FAXC: variants seen among roughly 807,000 people sequenced by gnomAD.
FAXC encodes the protein failed axon connections homolog.
In FAXC, 10 loss-of-function variants were observed where a neutral mutation model predicts 41.9. The observed-to-expected ratio is 0.24, with a 90% confidence interval of 0.15 to 0.41. The LOEUF is 0.41. Ranked by LOEUF, FAXC falls within the 10% of genes least tolerant of loss-of-function variation. FAXC has a pLI of 1.00. For synonymous variants in FAXC, 183 were observed against 183.8 expected, an observed-to-expected ratio of 1.00 and a Z score of 0.03; for missense variants, 399 against 510.9, an observed-to-expected ratio of 0.78 and a Z score of 2.11.
At chr6:99,304,585 T>A (rs1407123655) in intron 4 of FAXC, among the ~76,000 whole-genome samples, 1 of 152,218 alleles carries the variant, frequency 6.6e-6, no homozygotes, top group Non-Finnish European at 1.5e-5. Context: ...TTTCTATTAA[T>A]GTTTTGTAAT....
chr6:99,332,201 A>G (rs1441685246), intron 3 of FAXC, among the ~76,000 whole-genome samples: 2 of 152,160 alleles, frequency 1.3e-5, no homozygotes, highest in African/African-American at 2.4e-5. Context: ...AAGAGATAGG[A>G]ACAGCAAGTT....
Position 99,281,363 on chromosome 6 carries a change from T to C in FAXC, c.1031A>G (p.Glu344Gly), listed in dbSNP as rs926267243. Residue 344 changes from glutamate (E) to glycine (G), a missense_variant, in exon 6 of 6, where the codon GAG (glutamate) becomes GGG (glycine). Around this residue, in one of 3 missense-constraint regions of FAXC, gnomAD observed 92 missense variants for 94.9 expected, o/e 0.97. Transcript: ENST00000389677. ...WHHDDDNTIYESEESSEGSKT... is the reference protein window; with the variant it reads ...WHHDDDNTIYGSEESSEGSKT... ...GCTGCCTTCGCTGCTCTCCTCAGAC[T>C]CATAGATGGTATTGTCATCATCGTG... 1.9e-6 allele frequency: 3 copies of C among 1,614,180 alleles called. No individual in the cohort carries two copies. In the Admixed American group the frequency reaches 5.0e-5, roughly 27 times the overall value.
intron 4 of FAXC, among the ~76,000 whole-genome samples, chr6:99,296,357 T>C (rs1223269313): frequency 1.3e-5 from 2 of 152,024 alleles, no homozygotes; most frequent in African/African-American, 4.8e-5. Flanking sequence ...GGTGAGGCAC[T>C]GTGAGCTTCA....
chr6:99,288,883 C>CACACACAT, intron 5 of FAXC, among the ~76,000 whole-genome samples: 1 of 152,054 alleles, frequency 6.6e-6, no homozygotes, highest in Non-Finnish European at 1.5e-5. Flanking sequence ...CACACACACA[C>CACACACAT]ACAGAGCTGC....
intron 4 of FAXC, among the ~76,000 whole-genome samples, chr6:99,320,863 T>A (rs1247354102): frequency 6.6e-6 from 1 of 152,134 alleles, no homozygotes; most frequent in East Asian, 1.9e-4. Context: ...TGCTATTTCA[T>A]CCCAGAGCAC....
intron 4 of FAXC, among the ~76,000 whole-genome samples, chr6:99,295,698 T>G (rs1771463661): frequency 6.6e-6 from 1 of 152,318 alleles, no homozygotes; most frequent in East Asian, 1.9e-4. Flanking sequence ...CTAATACACC[T>G]TCGCAGGGCA....
chr6:99,286,253 C>T (rs955548297), intron 5 of FAXC, among the ~76,000 whole-genome samples: 3 of 152,148 alleles, frequency 2.0e-5, no homozygotes, highest in African/African-American at 7.2e-5. Flanking sequence ...GTAATGAAAA[C>T]ACCCCCTTTG....
chr6:99,319,271 C>T (rs1297585195), intron 4 of FAXC, among the ~76,000 whole-genome samples: 4 of 152,140 alleles, frequency 2.6e-5, no homozygotes, highest in Admixed American at 6.5e-5. Context: ...TGGTGGCGGG[C>T]GCCTGTAGTC....
At chr6:99,344,885 T>C (rs1482113206) in intron 1 of FAXC, among the ~76,000 whole-genome samples, 1 of 152,200 alleles carries the variant, frequency 6.6e-6, no homozygotes, top group Non-Finnish European at 1.5e-5. Context: ...ATTGTTAATT[T>C]GGGCCATGTC....
intron 4 of FAXC, among the ~76,000 whole-genome samples, chr6:99,317,614 GGTTGTGTGATT>G (rs751361950): frequency 2.6e-5 from 4 of 152,144 alleles, no homozygotes; most frequent in Non-Finnish European, 5.9e-5. Context: ...ACTTGTTAGT[GGTTGTGTGATT>G]GTTGGCAAGT....
chr6:99,300,692 G>A (rs1771671061), intron 4 of FAXC, among the ~76,000 whole-genome samples: 1 of 152,188 alleles, frequency 6.6e-6, no homozygotes, highest in Non-Finnish European at 1.5e-5. Flanking sequence ...TGCATTCCAG[G>A]ACAGGCTTTC....
At chr6:99,341,229 T>G (rs1773417028) in intron 2 of FAXC, among the ~76,000 whole-genome samples, 1 of 151,946 alleles carries the variant, frequency 6.6e-6, no homozygotes, top group African/African-American at 2.4e-5. Context: ...GAGAAGAAAT[T>G]TAAAATGAAG....
intron 5 of FAXC, among the ~76,000 whole-genome samples, chr6:99,283,349 T>A (rs897185723): frequency 6.6e-6 from 1 of 152,240 alleles, no homozygotes; most frequent in African/African-American, 2.4e-5. Flanking sequence ...TTACATATTA[T>A]CTCCTGTAAC....
In FAXC at chr6:99,342,946, G is replaced by T; in HGVS notation, c.354C>A (p.Phe118Leu). 3 of 1,612,356 alleles carry T rather than the reference G, an allele frequency of 1.9e-6. No homozygotes were observed. Among genetic ancestry groups the T allele is most frequent in the Non-Finnish European group, 1.7e-6 (2 of 1,179,454 alleles). The change falls in exon 2 of 6, where the codon TTC becomes TTA. Residue 118 changes from phenylalanine (F) to leucine (L), a missense_variant. By Grantham distance (22) the Phe-to-Leu change is conservative. This residue lies in a region of FAXC where 239 missense variants were observed against 352.7 expected (regional missense o/e 0.68). Coordinates refer to ENST00000389677, the MANE Select transcript of FAXC (RefSeq NM_032511.4). ...TTAAATAAGTTTCCATCTTTAAACA[G>T]AAAGGAGATAAACTTGGAACACCAT... is the stretch of plus-strand genomic sequence containing the variant. The part of the protein sequence containing the change: ...PNNGVPSLSP[F>L]CLKMETYLRM...
In FAXC at chr6:99,333,489, T is replaced by G; in HGVS notation, c.461A>C (p.His154Pro). The G allele has an allele frequency of 6.2e-7, 1 of 1,614,174 alleles. No individual in the cohort carries two copies. Among genetic ancestry groups the G allele is most frequent in the Non-Finnish European group, 8.5e-7 (1 of 1,180,022 alleles). ...GAATTCTGTGCCAGAAACTTTTTCATGATTATATTCAATCCAAGGCATTTT... is the reference window on the plus strand; with the variant it reads ...GAATTCTGTGCCAGAAACTTTTTCAGGATTATATTCAATCCAAGGCATTTT... ...QGKMPWIEYN[H>P]EKVSGTEFII... Residue 154 changes from histidine (H) to proline (P), a missense_variant, in exon 3 of 6, where the codon CAT becomes CCT. His to Pro is a moderately conservative substitution (Grantham distance 77, BLOSUM62 -2). Coordinates refer to ENST00000389677, the MANE Select transcript of FAXC (RefSeq NM_032511.4).
In FAXC at chr6:99,281,085, C is replaced by T. The variant is rs1388153883; in HGVS notation, c.*79G>A. On this transcript the variant is annotated 3_prime_UTR_variant, in exon 6 of 6. Coordinates refer to ENST00000389677, the MANE Select transcript of FAXC (RefSeq NM_032511.4). ...CAAGCACGAAGATCTCCTCCCAGCTCGGATGGATTGCTACCTGGGAAAATG... is the reference window on the plus strand; with the variant it reads ...CAAGCACGAAGATCTCCTCCCAGCTTGGATGGATTGCTACCTGGGAAAATG... 7 of 745,378 alleles carry T rather than the reference C, an allele frequency of 9.4e-6. No homozygotes were observed. Among genetic ancestry groups the T allele is most frequent in the East Asian group, 2.5e-5 (1 of 40,792 alleles). The allele number at this position is 745,378 out of a possible 1,614,324, so 46.2% of individuals were successfully genotyped here.
chr6:99,325,352 T>A (rs1046642649), intron 3 of FAXC, among the ~76,000 whole-genome samples: 2 of 152,236 alleles, frequency 1.3e-5, no homozygotes, highest in Admixed American at 1.3e-4. Flanking sequence ...AATTTCAACA[T>A]ACTCCCTGTG....
At chr6:99,318,311 T>C (rs1457737486) in intron 4 of FAXC, among the ~76,000 whole-genome samples, 1 of 85,698 alleles carries the variant, frequency 1.2e-5, no homozygotes, top group South Asian at 4.0e-4. Context: ...ACACACAAAA[T>C]AGAAGAAATG....
intron 4 of FAXC, among the ~76,000 whole-genome samples, chr6:99,319,172 CG>C (rs1193383402): frequency 2.7e-4 from 41 of 152,142 alleles, no homozygotes; most frequent in Admixed American, 2.7e-3. Flanking sequence ...CCGAGGCAGG[CG>C]GATCACGAGG....
Sources: allele counts gnomAD v4.1 joint callset (sites outside exome capture counted in the v4.1 genomes callset), GRCh38; gene constraint gnomAD v4.1.1; regional missense constraint gnomAD v4.1.1; transcripts MANE v1.5; gene names NCBI Gene and HGNC (gene_info 2026-07-23, HGNC 2026-07-21).